The following EVC variants were observed in gnomAD, a reference collection of about 807,000 sequenced individuals.
EVC encodes evC complex member EVC.
Under a neutral mutation model 118.9 loss-of-function variants are expected in EVC, and 116 were observed. That is an observed-to-expected ratio of 0.98 (90% CI 0.84 to 1.14). The LOEUF is 1.14. Ranked by LOEUF, EVC falls within the 50% of genes most tolerant of loss-of-function variation. The pLI, the probability that EVC is intolerant of heterozygous loss-of-function variation, is 0.00. For synonymous variants in EVC, 619 were observed against 534.7 expected (o/e 1.16, Z -2.18); for missense variants, 1,401 against 1,246.4 (o/e 1.12, Z -1.87).
At chr4:5,793,878 A>C (rs777835129) in intron 13 of EVC, among the ~76,000 whole-genome samples, 161 bp downstream of exon 13, 2 of 152,212 alleles carry the variant, frequency 1.3e-5, no homozygotes, top group African/African-American at 4.8e-5. Flanking sequence ...CATCTATAAA[A>C]TGGGATAATG....
Position 5,742,842 on chromosome 4 carries a change from G to A in EVC, c.801+1028G>A, listed in dbSNP as rs1010823149. Among the ~76,000 whole-genome samples, 1 of 152,198 alleles carries A rather than the reference G, an allele frequency of 6.6e-6. No individual in the cohort carries two copies. The highest frequency in any genetic ancestry group is 1.5e-5 in the Non-Finnish European group (1 of 68,046). On this transcript the variant is annotated intron_variant, in intron 6 of 20. Transcript: ENST00000264956. The surrounding 1 kb of genome is among the most constrained non-coding windows in gnomAD (Gnocchi z 5.2). Reference sequence around the variant, plus strand: ...GAGGGTACTTGGCTTCACCTAGGAAGGAATTCAAGGGAGAGCCAGTGGTGT... The same window carrying A: ...GAGGGTACTTGGCTTCACCTAGGAAAGAATTCAAGGGAGAGCCAGTGGTGT...
rs1730067049 is a variant in EVC at position 5,749,765 on chromosome 4, C to T, written c.1098+1459C>T. ...TGTGGCAGCTCGGCTCAGAACCCTGCAGTGGCCACCCTGCCCTCAGCACAG... is the reference window on the plus strand; with the variant it reads ...TGTGGCAGCTCGGCTCAGAACCCTGTAGTGGCCACCCTGCCCTCAGCACAG... On this transcript the variant is annotated intron_variant, in intron 8 of 20. Transcript: ENST00000264956. The surrounding 1 kb of genome is among the most constrained non-coding windows in gnomAD (Gnocchi z 4.4). Among the ~76,000 whole-genome samples the T allele has an allele frequency of 1.3e-5, 2 of 152,174 alleles. No homozygotes were observed. The highest frequency in any genetic ancestry group is 4.1e-4 in the South Asian group (2 of 4,828).
At position 5,811,378 on chromosome 4, in the gene EVC, C is replaced by T; in HGVS notation, c.*341C>T. ...GGACCCCTGATGCAGACTCTGGAAT[C>T]CCTGGCCCAAAGGCCTGTCTGGGCC... On this transcript the variant is annotated 3_prime_UTR_variant, in exon 21 of 21. Coordinates refer to ENST00000264956, the MANE Select transcript of EVC (RefSeq NM_153717.3). 1 of 349,390 alleles carries T rather than the reference C, an allele frequency of 2.9e-6. No homozygotes were observed. Among genetic ancestry groups the T allele is most frequent in the South Asian group, 2.6e-5 (1 of 38,276 alleles). The allele number at this position is 349,390 out of a possible 1,614,324, so 21.6% of individuals were successfully genotyped here.
intron 11 of EVC, among the ~76,000 whole-genome samples, chr4:5,767,755 C>T (rs143583496): frequency 0.1 from 15,923 of 152,194 alleles, 1,013 homozygotes; most frequent in East Asian, 0.32. Context: ...CGCCCTGCTT[C>T]GGCTAGCACA....
chr4:5,713,653 G>C (rs1356321718), intron 1 of EVC, among the ~76,000 whole-genome samples: 1 of 145,084 alleles, frequency 6.9e-6, no homozygotes, highest in African/African-American at 2.6e-5. Context: ...CTCCAGCCTG[G>C]GCGATAGAGC....
At chr4:5,728,234 C>A (rs919532974) in intron 2 of EVC, among the ~76,000 whole-genome samples, 68 of 152,156 alleles carry the variant, frequency 4.5e-4, no homozygotes, top group African/African-American at 1.6e-3. Flanking sequence ...TTGTTTGTAT[C>A]CTCTTATATT....
At chr4:5,745,887 C>G (rs1729293410) in intron 7 of EVC, among the ~76,000 whole-genome samples, 1 of 152,150 alleles carries the variant, frequency 6.6e-6, no homozygotes, top group Admixed American at 6.5e-5. Context: ...GAGAGACAAA[C>G]AGGTGAACAG....
intron 2 of EVC, among the ~76,000 whole-genome samples, chr4:5,721,681 A>T (rs1209385655): frequency 6.6e-6 from 1 of 152,182 alleles, no homozygotes; most frequent in Non-Finnish European, 1.5e-5. Context: ...AGCCTGGCCA[A>T]CATGGTGAAA....
intron 11 of EVC, among the ~76,000 whole-genome samples, chr4:5,779,824 A>G (rs1272435471): frequency 7.1e-6 from 1 of 141,402 alleles, no homozygotes. Context: ...CTAATTGAAT[A>G]CCCTTTATTT....
chr4:5,816,278 C>T (rs1290770032), downstream of EVC, among the ~76,000 whole-genome samples: 1 of 152,138 alleles, frequency 6.6e-6, no homozygotes, highest in Non-Finnish European at 1.5e-5. Flanking sequence ...GCTGTGGTGG[C>T]CATGAACATG....
intron 11 of EVC, among the ~76,000 whole-genome samples, chr4:5,762,364 G>A (rs1476911013): frequency 3.1e-4 from 43 of 137,850 alleles, no homozygotes; most frequent in East Asian, 1.3e-3. Context: ...ATAAACATAC[G>A]TGTGCATGTG....
At chr4:5,767,468 C>G (rs1264091281) in intron 11 of EVC, among the ~76,000 whole-genome samples, 1 of 151,072 alleles carries the variant, frequency 6.6e-6, no homozygotes, top group African/African-American at 2.4e-5. Flanking sequence ...CCTAAGGAAG[C>G]CTGGGCAATG....
chr4:5,761,379 A>C (rs1024464810), intron 11 of EVC, among the ~76,000 whole-genome samples: 1 of 151,766 alleles, frequency 6.6e-6, no homozygotes, highest in Non-Finnish European at 1.5e-5. Context: ...CAATCAATCG[A>C]GGTTTATTGA....
intron 17 of EVC, among the ~76,000 whole-genome samples, chr4:5,807,421 C>G (rs1191490144): frequency 6.6e-6 from 1 of 152,230 alleles, no homozygotes; most frequent in Non-Finnish European, 1.5e-5. Context: ...ACACGCACAG[C>G]TGCCTATCCA....
At chr4:5,748,373 T>G (rs1729693983) in intron 8 of EVC, 67 bp downstream of exon 8, 1 of 1,562,862 alleles carries the variant, frequency 6.4e-7, no homozygotes, top group Non-Finnish European at 8.8e-7. Flanking sequence ...TCCTGAGGCT[T>G]GACATCCTTA....
At position 5,789,979 on chromosome 4, in the gene EVC, G is replaced by A. The variant is rs1166670745; in HGVS notation, c.1777-3629G>A. Among the ~76,000 whole-genome samples the A allele has an allele frequency of 2.0e-5, 3 of 152,000 alleles. No homozygotes were observed. The highest frequency in any genetic ancestry group is 3.9e-4 in the East Asian group (2 of 5,170). On this transcript the variant is annotated intron_variant, in intron 12 of 20. Coordinates refer to ENST00000264956, the MANE Select transcript of EVC (RefSeq NM_153717.3). This position sits in a 1 kb window ranked among gnomAD's most constrained non-coding sequence, Gnocchi z 4.3. ...GTAGATCACCTGAGATCAAGAGTTC[G>A]AGACCAGCCTGGCCTACATAGCGAA...
rs1417362124 is a variant in EVC at position 5,813,185 on chromosome 4, C to G, written c.*2148C>G. 9 of 152,200 alleles carry G rather than the reference C, an allele frequency of 5.9e-5. No homozygotes were observed. The highest frequency in any genetic ancestry group is 1.2e-4 in the Non-Finnish European group (8 of 68,040). 9.4% of individuals were successfully genotyped at this position (152,200 alleles called of 1,614,324 possible). ...GGTTATTCCATGGAGTTGTGCAAAG[C>G]TATGGCTTCCTTGGTGCAATATTCT... On this transcript the variant is annotated 3_prime_UTR_variant, in exon 21 of 21. Transcript: ENST00000264956.
chr4:5,716,506 T>C (rs1279979714), intron 1 of EVC, among the ~76,000 whole-genome samples: 1 of 152,146 alleles, frequency 6.6e-6, no homozygotes, highest in Non-Finnish European at 1.5e-5. Flanking sequence ...CAAAGAATGG[T>C]GCTCAGAGTT....
At chr4:5,726,697 A>C (rs1453171706) in intron 2 of EVC, among the ~76,000 whole-genome samples, 1 of 149,046 alleles carries the variant, frequency 6.7e-6, no homozygotes, top group African/African-American at 2.5e-5. Flanking sequence ...CATTAGGTAC[A>C]TCTCCCGATG....
Sources: gnomAD v4.1 joint callset for allele counts (sites outside exome capture counted in the v4.1 genomes callset) on GRCh38, gnomAD v4.1.1 for gene constraint, Gnocchi (gnomAD v3.1) non-coding constraint, MANE v1.5 for transcripts, NCBI Gene and HGNC (gene_info 2026-07-23, HGNC 2026-07-21) for gene names.